The following RNF216 variants were observed in gnomAD, a reference collection of about 807,000 sequenced individuals.
The protein encoded by RNF216 is ring finger protein 216, also known as E3 ubiquitin-protein ligase RNF216.
A neutral mutation model predicts 110.8 loss-of-function variants in RNF216; 72 were observed. That is an observed-to-expected ratio of 0.65 (90% confidence interval 0.54 to 0.79). The LOEUF is 0.79. Ranked by LOEUF, RNF216 falls within the 30% of genes least tolerant of loss-of-function variation. The pLI is 0.00. For synonymous variants in RNF216, 495 were observed against 407.5 expected, an observed-to-expected ratio of 1.21 and a Z score of -2.59; for missense variants, 1,342 against 1,141.2, an observed-to-expected ratio of 1.18 and a Z score of -2.54.
chr7:5,620,054 G>A lies in RNF216; in HGVS notation c.*2806C>T, dbSNP rs1040007380. 3 of 152,258 alleles carry A rather than the reference G, an allele frequency of 2.0e-5. No individual in the cohort carries two copies. Among genetic ancestry groups the A allele is most frequent in the Admixed American group, 2.0e-4 (3 of 15,272 alleles). 9.4% of individuals were successfully genotyped at this position (152,258 alleles called of 1,614,324 possible). On this transcript the variant is annotated 3_prime_UTR_variant, in exon 17 of 17. Transcript: ENST00000389902. ...GAGAGACGAAGCTGGAGGGAGCAGA[G>A]CGCACAAACATTTATTTACAAAAGT... is the stretch of plus-strand genomic sequence containing the variant.
intron 5 of RNF216, among the ~76,000 whole-genome samples, chr7:5,736,354 G>A (rs961530899): frequency 1.3e-5 from 2 of 152,160 alleles, no homozygotes; most frequent in South Asian, 2.1e-4. Context: ...GCTCCTAACC[G>A]GGACTGATCT....
intron 14 of RNF216, among the ~76,000 whole-genome samples, chr7:5,647,429 G>A (rs1481400840): frequency 6.7e-6 from 1 of 148,662 alleles, no homozygotes; most frequent in Non-Finnish European, 1.5e-5. Context: ...GAACTCCTGG[G>A]TTCAAGGGAT....
intron 13 of RNF216, among the ~76,000 whole-genome samples, chr7:5,663,244 T>C (rs1486283544): frequency 6.6e-6 from 1 of 152,118 alleles, no homozygotes; most frequent in Non-Finnish European, 1.5e-5. Context: ...TGCTGGTCAC[T>C]ATGGACAGGC....
At chr7:5,763,754 G>A (rs182762534) in intron 1 of RNF216, among the ~76,000 whole-genome samples, 2 of 152,140 alleles carry the variant, frequency 1.3e-5, no homozygotes, top group East Asian at 3.9e-4. Flanking sequence ...AAATTTTTTT[G>A]TAGAGACAGG....
chr7:5,717,681 AAAAGG>A (rs1793149660), intron 9 of RNF216, among the ~76,000 whole-genome samples: 1 of 152,228 alleles, frequency 6.6e-6, no homozygotes, highest in African/African-American at 2.4e-5. Context: ...GCCAGTTTCA[AAAAGG>A]AAAGAGAAAA....
chr7:5,665,437 C>A (rs965292783), intron 13 of RNF216, among the ~76,000 whole-genome samples: 30 of 152,050 alleles, frequency 2.0e-4, no homozygotes, highest in African/African-American at 7.0e-4. Flanking sequence ...CAGAACCAGG[C>A]TTTGAAAAAA....
intron 13 of RNF216, among the ~76,000 whole-genome samples, chr7:5,671,597 G>A (rs1361746448): frequency 6.6e-6 from 1 of 152,124 alleles, no homozygotes; most frequent in Non-Finnish European, 1.5e-5. Flanking sequence ...GAGGTCAGCA[G>A]TTCGAGACCA....
chr7:5,624,482 T>G lies in RNF216; in HGVS notation c.2383-357A>C, dbSNP rs550407208. Among the ~76,000 whole-genome samples the G allele has an allele frequency of 6.6e-6, 1 of 152,228 alleles. No homozygotes were observed. Among genetic ancestry groups the G allele is most frequent in the Admixed American group, 6.5e-5 (1 of 15,292 alleles). On this transcript the variant is annotated intron_variant, in intron 15 of 16. Coordinates refer to ENST00000389902, the MANE Select transcript of RNF216 (RefSeq NM_207111.4). The surrounding 1 kb of genome is among the most constrained non-coding windows in gnomAD (Gnocchi z 4.4). Reference sequence around the variant, plus strand: ...GGGCTGGGTCTGAGTGGGCACAGCCTGAAAAGTTTCAGATCCCAAGTCCAC... The same window carrying G: ...GGGCTGGGTCTGAGTGGGCACAGCCGGAAAAGTTTCAGATCCCAAGTCCAC...
intron 2 of RNF216, among the ~76,000 whole-genome samples, chr7:5,755,441 T>C (rs758213312): frequency 1.3e-5 from 2 of 152,212 alleles, no homozygotes; most frequent in Non-Finnish European, 2.9e-5. Context: ...GGGCCATCTG[T>C]GTATAATCAC....
intron 13 of RNF216, among the ~76,000 whole-genome samples, chr7:5,657,822 C>A (rs1788841597): frequency 6.6e-6 from 1 of 152,122 alleles, no homozygotes; most frequent in South Asian, 2.1e-4. Context: ...ATGCTGCAAC[C>A]CCTGAGAATC....
chr7:5,685,101 G>A (rs1351128834), intron 13 of RNF216, among the ~76,000 whole-genome samples: 1 of 152,124 alleles, frequency 6.6e-6, no homozygotes, highest in Non-Finnish European at 1.5e-5. Context: ...GCCATCTTGG[G>A]TCCTGGTGGC....
chr7:5,764,547 T>C (rs1445505922), intron 1 of RNF216, among the ~76,000 whole-genome samples: 2 of 151,182 alleles, frequency 1.3e-5, no homozygotes, highest in Non-Finnish European at 3.0e-5. Context: ...ATTCAGGAGG[T>C]TGAGGCGAGA....
At chr7:5,739,109 G>A (rs1399894183) in intron 5 of RNF216, among the ~76,000 whole-genome samples, 167 bp downstream of exon 5, 1 of 152,150 alleles carries the variant, frequency 6.6e-6, no homozygotes, top group African/African-American at 2.4e-5. Context: ...AGTTTGAGAA[G>A]ATGAAAGAGT....
intron 13 of RNF216, among the ~76,000 whole-genome samples, chr7:5,671,816 A>AAAAAAAAAAAAT (rs1789935383): frequency 6.6e-6 from 1 of 150,722 alleles, no homozygotes; most frequent in African/African-American, 2.4e-5. Context: ...AAAAAAAAAA[A>AAAAAAAAAAAAT]AAAAAAAAAA....
chr7:5,720,285 C>A (rs1489797644), intron 9 of RNF216, among the ~76,000 whole-genome samples: 3 of 152,216 alleles, frequency 2.0e-5, no homozygotes, highest in Non-Finnish European at 4.4e-5. Flanking sequence ...TCAGCCTACT[C>A]AACGTGAAGA....
chr7:5,663,229 C>T (rs74664421), intron 13 of RNF216, among the ~76,000 whole-genome samples: 6,303 of 152,166 alleles, frequency 0.041, 177 homozygotes, highest in East Asian at 0.092. Flanking sequence ...GCAAAGATGA[C>T]GTCCTGCTGG....
intron 13 of RNF216, among the ~76,000 whole-genome samples, chr7:5,655,631 AAGACC>A (rs1251142124): frequency 6.6e-6 from 1 of 152,086 alleles, no homozygotes; most frequent in Non-Finnish European, 1.5e-5. Context: ...AAAAAAAGAC[AAGACC>A]AGACCATGTA....
At chr7:5,767,270 C>T (rs1315070627) in intron 1 of RNF216, among the ~76,000 whole-genome samples, 1 of 152,180 alleles carries the variant, frequency 6.6e-6, no homozygotes, top group African/African-American at 2.4e-5. Flanking sequence ...CAGGAGATGA[C>T]ACATTCATCC....
intron 9 of RNF216, among the ~76,000 whole-genome samples, chr7:5,720,809 A>G (rs898737001): frequency 3.3e-5 from 5 of 152,244 alleles, no homozygotes; most frequent in African/African-American, 1.2e-4. Flanking sequence ...AAATAGATAC[A>G]CTAAGCTCCA....
Sources: allele counts gnomAD v4.1 joint callset (sites outside exome capture counted in the v4.1 genomes callset), GRCh38; gene constraint gnomAD v4.1.1; non-coding constraint Gnocchi (gnomAD v3.1); transcripts MANE v1.5; gene names NCBI Gene and HGNC (gene_info 2026-07-23, HGNC 2026-07-21).